MAPKBP1: variants seen among roughly 807,000 people sequenced by gnomAD.
The protein encoded by MAPKBP1 is mitogen-activated protein kinase binding protein 1, also known as mitogen-activated protein kinase-binding protein 1.
In MAPKBP1, 71 loss-of-function variants were observed where a neutral mutation model predicts 170.5. The observed-to-expected ratio is 0.42, with a 90% CI of 0.34 to 0.51. MAPKBP1 has a LOEUF of 0.51. MAPKBP1 is among the 20% of genes least tolerant of loss of function. MAPKBP1 has a pLI of 0.06. For missense variants in MAPKBP1, 1,598 were observed against 1,933.0 expected, an observed-to-expected ratio of 0.83 and a Z score of 3.25; for synonymous variants, 719 against 757.9, an observed-to-expected ratio of 0.95 and a Z score of 0.84.
At position 41,817,685 on chromosome 15, in the gene MAPKBP1, G is replaced by A. The variant is rs745334708; in HGVS notation, c.1854G>A (p.Val618=). 1.2e-6 allele frequency: 2 copies of A among 1,614,188 alleles called. No individual in the cohort carries two copies. The highest frequency in any genetic ancestry group is 2.2e-5 in the South Asian group (2 of 91,082). The change falls in exon 16 of 31, where the codon GTG becomes GTA. Residue 618 remains valine (V), a synonymous_variant. Coordinates refer to ENST00000457542, the MANE Select transcript of MAPKBP1 (RefSeq NM_014994.3). The surrounding 1 kb of genome is among the most constrained non-coding windows in gnomAD (Gnocchi z 4.2). ...VRKTTLYDMD[V]EPSWKYTAIG... Reference sequence around the variant, plus strand: ...AGACGACCCTCTATGACATGGATGTGGAGCCCAGCTGGAAGTACACGGCTA... The same window carrying A: ...AGACGACCCTCTATGACATGGATGTAGAGCCCAGCTGGAAGTACACGGCTA...
At chr15:41,822,762 C>T in intron 27 of MAPKBP1, 85 bp downstream of exon 27, 1 of 1,535,098 alleles carries the variant, frequency 6.5e-7, no homozygotes, top group Non-Finnish European at 9.0e-7. Context: ...AGTGTTCTGT[C>T]TCTCCATGCG....
chr15:41,792,838 T>A (rs946696936), intron 2 of MAPKBP1, among the ~76,000 whole-genome samples: 3 of 152,166 alleles, frequency 2.0e-5, no homozygotes, highest in Non-Finnish European at 4.4e-5. Context: ...CTTCAAGCGA[T>A]CCTTGAGGCC....
rs367803500 is a variant in MAPKBP1 at position 41,813,752 on chromosome 15, G to T, written c.951G>T (p.Gly317=). Residue 317 remains glycine (G), a synonymous_variant, in exon 9 of 31, where the codon GGG becomes GGT. Transcript: ENST00000457542. The part of the protein sequence containing the change: ...LSTLPRPHAL[G]TDIASVTEAS... Reference sequence around the variant, plus strand: ...CCTTGCCCCGACCCCATGCTCTGGGGACAGACATTGCTAGCGTCACCGAGG... The same window carrying T: ...CCTTGCCCCGACCCCATGCTCTGGGTACAGACATTGCTAGCGTCACCGAGG... 10 of 1,608,486 alleles carry T rather than the reference G, an allele frequency of 6.2e-6. No homozygotes were observed. The highest frequency in any genetic ancestry group is 1.3e-5 in the African/African-American group (1 of 74,556).
chr15:41,783,490 G>A (rs1353670804), intron 2 of MAPKBP1, among the ~76,000 whole-genome samples: 1 of 152,150 alleles, frequency 6.6e-6, no homozygotes, highest in African/African-American at 2.4e-5. Flanking sequence ...AGGTTGCAAA[G>A]TTCTTTGAGC....
intron 3 of MAPKBP1, among the ~76,000 whole-genome samples, chr15:41,803,544 CA>C (rs2064638474): frequency 6.6e-6 from 1 of 151,076 alleles, no homozygotes; most frequent in Non-Finnish European, 1.5e-5. Flanking sequence ...CTGTCTCTAC[CA>C]AAAAGTAAAA....
At chr15:41,778,909 G>C (rs2064138325) in intron 2 of MAPKBP1, among the ~76,000 whole-genome samples, 1 of 152,172 alleles carries the variant, frequency 6.6e-6, no homozygotes. Context: ...AGGAGGTATT[G>C]AGATCGTCCT....
chr15:41,786,804 A>ATATATATATATATATATATATG (rs2064305908), intron 2 of MAPKBP1, among the ~76,000 whole-genome samples: 4 of 124,384 alleles, frequency 3.2e-5, no homozygotes, highest in African/African-American at 1.3e-4. Flanking sequence ...ATATATATAT[A>ATATATATATATATATATATATG]GGTATAATAA....
intron 2 of MAPKBP1, among the ~76,000 whole-genome samples, chr15:41,783,458 T>TC (rs1198595467): frequency 3.3e-5 from 5 of 152,210 alleles, no homozygotes; most frequent in African/African-American, 1.2e-4. Context: ...CCTGCCTGAC[T>TC]CCATGTGGCC....
rs368254621 is a variant in MAPKBP1, at chr15:41,817,996, A to C, written c.1905-13A>C. Reference sequence around the variant, plus strand: ...ACCGCCTCCTCATGAGAAAGAGACTATGTTTCTTACAGGATATTTAACATC... The same window carrying C: ...ACCGCCTCCTCATGAGAAAGAGACTCTGTTTCTTACAGGATATTTAACATC... On this transcript the variant is annotated splice_polypyrimidine_tract_variant and intron_variant, in intron 16 of 30. Transcript: ENST00000457542. This position sits in a 1 kb window ranked among gnomAD's most constrained non-coding sequence, Gnocchi z 4.2. 5 of 1,613,158 alleles carry C rather than the reference A, an allele frequency of 3.1e-6. No individual in the cohort carries two copies. The highest frequency in any genetic ancestry group is 2.5e-6 in the Non-Finnish European group (3 of 1,179,120).
At chr15:41,803,893 T>C (rs892803709) in intron 3 of MAPKBP1, among the ~76,000 whole-genome samples, 1 of 151,710 alleles carries the variant, frequency 6.6e-6, no homozygotes, top group Non-Finnish European at 1.5e-5. Flanking sequence ...CAGGCTGGAG[T>C]GCAATGGCAC....
At chr15:41,777,400 A>G (rs148402290) in intron 2 of MAPKBP1, among the ~76,000 whole-genome samples, 5 of 152,116 alleles carry the variant, frequency 3.3e-5, no homozygotes, top group African/African-American at 1.2e-4. Flanking sequence ...TGTGAGTCCT[A>G]AGGCAGGTGG....
intron 2 of MAPKBP1, among the ~76,000 whole-genome samples, chr15:41,786,376 A>G (rs2064287017): frequency 6.6e-6 from 1 of 152,196 alleles, no homozygotes; most frequent in African/African-American, 2.4e-5. Context: ...TCCAATTTAA[A>G]CATGTGTATT....
At chr15:41,809,276 G>GA (rs141881768) in intron 3 of MAPKBP1, among the ~76,000 whole-genome samples, 24,343 of 149,740 alleles carry the variant, frequency 0.16, 2,017 homozygotes, top group South Asian at 0.18. Flanking sequence ...AAAGAAGGAG[G>GA]AAAAAAAAAC....
chr15:41,792,645 A>G (rs1399568529), intron 2 of MAPKBP1, among the ~76,000 whole-genome samples: 3 of 152,196 alleles, frequency 2.0e-5, no homozygotes, highest in African/African-American at 4.8e-5. Context: ...AGCTGCCTGC[A>G]GCAGTTGTGT....
intron 2 of MAPKBP1, among the ~76,000 whole-genome samples, chr15:41,795,163 CAAAAAA>C (rs57214059): frequency 2.6e-5 from 3 of 113,210 alleles, no homozygotes; most frequent in South Asian, 2.9e-4. Flanking sequence ...AACCCTGTCT[CAAAAAA>C]AAAAAAAAAA....
chr15:41,796,516 G>A (rs1226645038), intron 2 of MAPKBP1, among the ~76,000 whole-genome samples: 1 of 152,268 alleles, frequency 6.6e-6, no homozygotes, highest in East Asian at 1.9e-4. Flanking sequence ...AAGCTGGTTT[G>A]AGTTAAGAAC....
At chr15:41,819,547 CGG>C (rs3034893) in intron 21 of MAPKBP1, 46 bp from the exon 22 acceptor site, 49 of 1,235,552 alleles carry the variant, frequency 4.0e-5, no homozygotes, top group Middle Eastern at 4.7e-4. Context: ...GGTTGGGTGG[CGG>C]GGGGGGGGCA....
At chr15:41,820,750 A>C in intron 22 of MAPKBP1, 82 bp from the exon 23 acceptor site, 1 of 1,007,716 alleles carries the variant, frequency 9.9e-7, no homozygotes, top group Non-Finnish European at 1.5e-6. Flanking sequence ...TGTGCCAGGC[A>C]CATAGTAAGG....
chr15:41,815,371 A>G lies in MAPKBP1; in HGVS notation c.1283A>G (p.His428Arg), dbSNP rs2064872897. ...RLWNTESSGVHGSTLHRNILS... is the reference protein window; with the variant it reads ...RLWNTESSGVRGSTLHRNILS... ...TGGAACACAGAGAGCTCCGGGGTGC[A>G]TGGCTCCACCCTCCACCGAAACATC... Residue 428 changes from histidine (H) to arginine (R), a missense_variant, in exon 11 of 31, where the codon CAT (histidine) becomes CGT (arginine). His to Arg is a conservative substitution (Grantham distance 29). Coordinates refer to ENST00000457542, the MANE Select transcript of MAPKBP1 (RefSeq NM_014994.3). The G allele has an allele frequency of 1.9e-6, 3 of 1,614,148 alleles. No individual in the cohort carries two copies. The highest frequency in any genetic ancestry group is 2.5e-6 in the Non-Finnish European group (3 of 1,180,028).
Sources: allele counts gnomAD v4.1 joint callset (sites outside exome capture counted in the v4.1 genomes callset), GRCh38; gene constraint gnomAD v4.1.1; non-coding constraint Gnocchi (gnomAD v3.1); transcripts MANE v1.5; gene names NCBI Gene and HGNC (gene_info 2026-07-23, HGNC 2026-07-21).